TENT5C: variants seen among roughly 807,000 people sequenced by gnomAD.
The protein encoded by TENT5C is terminal nucleotidyltransferase 5C.
In TENT5C, 5 loss-of-function variants were observed where a neutral mutation model predicts 22.2. That is an observed-to-expected ratio of 0.22 (90% CI 0.12 to 0.47). The LOEUF (loss-of-function observed/expected upper bound fraction) is 0.47, where lower values mean the gene tolerates loss of function less well. Ranked by LOEUF, TENT5C falls within the 20% of genes least tolerant of loss-of-function variation. TENT5C has a pLI of 0.99. For missense variants in TENT5C, 364 were observed against 500.9 expected (o/e 0.73, Z 2.61); for synonymous variants, 199 against 195.4 (o/e 1.02, Z -0.15).
chr1:117,619,196 A>G (rs1653846048), intron 1 of TENT5C, among the ~76,000 whole-genome samples: 1 of 152,222 alleles, frequency 6.6e-6, no homozygotes. Flanking sequence ...CCTATGTCAA[A>G]GAGTATATCT....
chr1:117,610,338 A>AC (rs1033533014), intron 1 of TENT5C, among the ~76,000 whole-genome samples: 28 of 150,504 alleles, frequency 1.9e-4, no homozygotes, highest in South Asian at 8.5e-4. Flanking sequence ...CCCACCCTCC[A>AC]CCCCCCATGG....
At chr1:117,608,323 T>G (rs1653589409) in intron 1 of TENT5C, among the ~76,000 whole-genome samples, 1 of 152,226 alleles carries the variant, frequency 6.6e-6, no homozygotes, top group African/African-American at 2.4e-5. Context: ...TATCTCTACC[T>G]GGTTTCTTCT....
chr1:117,617,758 A>C (rs984830388), intron 1 of TENT5C, among the ~76,000 whole-genome samples: 20 of 152,224 alleles, frequency 1.3e-4, no homozygotes, highest in African/African-American at 4.6e-4. Context: ...ATCAGTGTTG[A>C]TTTAACGTGG....
In TENT5C at chr1:117,623,948, C is replaced by T. The variant is rs762004354; in HGVS notation, c.1080C>T (p.Ala360=). The T allele has an allele frequency of 2.5e-6, 4 of 1,614,078 alleles. No individual in the cohort carries two copies. Among genetic ancestry groups the T allele is most frequent in the East Asian group, 2.2e-5 (1 of 44,870 alleles). ...ATNVTCYYQP[A]PYVSDGNFSN... is the part of the protein sequence containing the mutation. ...ACGTCACCTGTTACTACCAGCCGGC[C>T]CCTTACGTCAGTGATGGCAACTTCA... The change falls in exon 2 of 2, where the codon GCC becomes GCT. Residue 360 remains alanine, a synonymous_variant. Transcript: ENST00000369448.
intron 1 of TENT5C, among the ~76,000 whole-genome samples, chr1:117,620,229 C>T (rs1653863873): frequency 6.6e-6 from 1 of 152,164 alleles, no homozygotes; most frequent in Non-Finnish European, 1.5e-5. Context: ...TTGAACAACT[C>T]CTTTAAAAAA....
intron 1 of TENT5C, among the ~76,000 whole-genome samples, chr1:117,613,099 G>C (rs1266332162): frequency 1.3e-5 from 2 of 152,190 alleles, no homozygotes; most frequent in Non-Finnish European, 2.9e-5. Flanking sequence ...TCTTTGGGGA[G>C]CTCTTTAAAT....
chr1:117,611,277 A>G (rs1486510923), intron 1 of TENT5C, among the ~76,000 whole-genome samples: 4 of 152,198 alleles, frequency 2.6e-5, no homozygotes, highest in African/African-American at 9.7e-5. Flanking sequence ...AGTGCCTGAT[A>G]TGTGTCTAGA....
At position 117,624,105 on chromosome 1, in the gene TENT5C, G is replaced by A; in HGVS notation, c.*61G>A. On this transcript the variant is annotated 3_prime_UTR_variant, in exon 2 of 2. Transcript: ENST00000369448. ...AATAGGGCTAGGGCTCTCAGGTAGG[G>A]GAGCCTCCTTCTAGATGTAGGCATT... The A allele has an allele frequency of 7.2e-7, 1 of 1,394,232 alleles. No individual in the cohort carries two copies. Among genetic ancestry groups the A allele is most frequent in the Non-Finnish European group, 9.7e-7 (1 of 1,025,886 alleles). 86.4% of individuals were successfully genotyped at this position (1,394,232 alleles called of 1,614,324 possible).
At chr1:117,620,366 G>A (rs763025570) in intron 1 of TENT5C, among the ~76,000 whole-genome samples, 5 of 152,110 alleles carry the variant, frequency 3.3e-5, no homozygotes, top group South Asian at 2.1e-4. Flanking sequence ...TCTGGTTTCC[G>A]TGTGACTTCT....
rs756787020 is a variant in TENT5C, at chr1:117,622,967, A to T, written c.99A>T (p.Val33=). The T allele has an allele frequency of 6.2e-7, 1 of 1,614,024 alleles. No individual in the cohort carries two copies. Among genetic ancestry groups the T allele is most frequent in the African/African-American group, 1.3e-5 (1 of 74,892 alleles). ...SRLHEVLTEV[V]PIHGRGNFPT... ...TGCATGAGGTCCTCACTGAAGTTGTACCTATCCACGGACGAGGCAACTTTC... is the reference window on the plus strand; with the variant it reads ...TGCATGAGGTCCTCACTGAAGTTGTTCCTATCCACGGACGAGGCAACTTTC... The change falls in exon 2 of 2, where the codon GTA becomes GTT. Residue 33 remains valine (V), a synonymous_variant. Transcript: ENST00000369448.
At chr1:117,619,635 C>T (rs982494069) in intron 1 of TENT5C, among the ~76,000 whole-genome samples, 14 of 151,760 alleles carry the variant, frequency 9.2e-5, no homozygotes, top group African/African-American at 3.4e-4. Flanking sequence ...AATGCATTTC[C>T]ACCTCAGTAC....
chr1:117,627,926 G>A lies in TENT5C; in HGVS notation c.*3882G>A, dbSNP rs756463446. ...ATCACTTTAAAAAAATAATTGAAGT[G>A]TAAGCTAAATAAAATGCTTGGAGTT... is the stretch of plus-strand genomic sequence containing the variant. On this transcript the variant is annotated 3_prime_UTR_variant, in exon 2 of 2. Transcript: ENST00000369448. The A allele has an allele frequency of 3.3e-4, 81 of 247,832 alleles. 1 individual carries two copies. The highest frequency in any genetic ancestry group is 7.6e-5 in the Non-Finnish European group (9 of 118,112). The allele number at this position is 247,832 out of a possible 1,614,324, so 15.4% of individuals were successfully genotyped here. A position where few individuals can be genotyped will look rare whatever the true frequency, so the allele number is the denominator to read the frequency against.
intron 1 of TENT5C, among the ~76,000 whole-genome samples, chr1:117,619,468 G>A (rs574061279): frequency 2.0e-5 from 3 of 152,256 alleles, no homozygotes; most frequent in African/African-American, 7.2e-5. Flanking sequence ...TTATGGAAAT[G>A]AGTACTTTGC....
At chr1:117,616,046 G>T (rs926828437) in intron 1 of TENT5C, among the ~76,000 whole-genome samples, 3 of 152,192 alleles carry the variant, frequency 2.0e-5, no homozygotes, top group Non-Finnish European at 4.4e-5. Context: ...TTGTCACTCC[G>T]TGTCCACCTC....
intron 1 of TENT5C, among the ~76,000 whole-genome samples, chr1:117,609,333 C>T (rs1301687555): frequency 6.6e-6 from 1 of 152,202 alleles, no homozygotes; most frequent in Non-Finnish European, 1.5e-5. Context: ...AGATTTTGTA[C>T]AGCTGGCCCC....
chr1:117,614,639 G>T (rs1227534427), intron 1 of TENT5C, among the ~76,000 whole-genome samples: 1 of 152,158 alleles, frequency 6.6e-6, no homozygotes, highest in African/African-American at 2.4e-5. Flanking sequence ...CTCGACTGTA[G>T]CTAGTGTCCT....
In TENT5C at chr1:117,626,183, C is replaced by A. The variant is rs1654007545; in HGVS notation, c.*2139C>A. 1 of 169,404 alleles carries A rather than the reference C, an allele frequency of 5.9e-6. No homozygotes were observed. Among genetic ancestry groups the A allele is most frequent in the East Asian group, 6.4e-5 (1 of 15,538 alleles). The allele number at this position is 169,404 out of a possible 1,614,324, so 10.5% of individuals were successfully genotyped here. ...TGCCTAACAGAAATCAGTATTTCTT[C>A]TACTTAGAAGGCTTGGGGCCCAGGG... On this transcript the variant is annotated 3_prime_UTR_variant, in exon 2 of 2. Coordinates refer to ENST00000369448, the MANE Select transcript of TENT5C (RefSeq NM_017709.4).
rs564497719 is a variant in TENT5C, at chr1:117,624,769, A to G, written c.*725A>G. On this transcript the variant is annotated 3_prime_UTR_variant, in exon 2 of 2. Coordinates refer to ENST00000369448, the MANE Select transcript of TENT5C (RefSeq NM_017709.4). The stretch of plus-strand genomic sequence containing the variant: ...TCTTGAAATGTAACTTGAAAACAAA[A>G]TAAAATGTGGAACATAATGTTTAAT... 9.7e-5 allele frequency: 24 copies of G among 248,120 alleles called. No individual in the cohort carries two copies. Among genetic ancestry groups the G allele is most frequent in the African/African-American group, 5.3e-4 (24 of 45,492 alleles). The allele number at this position is 248,120 out of a possible 1,614,324, so 15.4% of individuals were successfully genotyped here.
intron 1 of TENT5C, among the ~76,000 whole-genome samples, chr1:117,617,077 C>T (rs564683591): frequency 6.6e-6 from 1 of 152,318 alleles, no homozygotes; most frequent in Admixed American, 6.5e-5. Context: ...AGTTACCTCC[C>T]CTCCAGCTCA....
Sources: allele counts gnomAD v4.1 joint callset (sites outside exome capture counted in the v4.1 genomes callset), GRCh38; gene constraint gnomAD v4.1.1; transcripts MANE v1.5; gene names NCBI Gene and HGNC (gene_info 2026-07-23, HGNC 2026-07-21).